The following CSTF3 variants were observed in gnomAD, a reference collection of about 807,000 sequenced individuals.
The protein encoded by CSTF3 is cleavage stimulation factor subunit 3.
Under a neutral mutation model 105.8 loss-of-function variants are expected in CSTF3, and 29 were observed. The observed-to-expected ratio is 0.27, with a 90% CI of 0.20 to 0.37. The LOEUF (loss-of-function observed/expected upper bound fraction) is 0.37, where lower values mean the gene tolerates loss of function less well. CSTF3 is among the 10% of genes least tolerant of loss of function. The probability of loss-of-function intolerance (pLI) is 1.00; values close to 1 mark genes in which losing one functional copy is unlikely to be tolerated. For missense variants in CSTF3, 357 were observed against 879.3 expected (o/e 0.41, Z 7.51); for synonymous variants, 252 against 281.9 (o/e 0.89, Z 1.06).
intron 1 of CSTF3, among the ~76,000 whole-genome samples, chr11:33,147,365 G>A (rs1223466625): frequency 6.6e-6 from 1 of 151,730 alleles, no homozygotes; most frequent in East Asian, 1.9e-4. Context: ...GGGAGCCCGA[G>A]GTGGGCAGAT....
chr11:33,158,549 T>C (rs999886813), intron 1 of CSTF3, among the ~76,000 whole-genome samples: 4 of 152,116 alleles, frequency 2.6e-5, no homozygotes, highest in African/African-American at 9.7e-5. Flanking sequence ...AGGTATAAGG[T>C]GATTTTAAAG....
intron 3 of CSTF3, among the ~76,000 whole-genome samples, chr11:33,128,178 C>A (rs1247487709): frequency 1.3e-5 from 2 of 152,088 alleles, no homozygotes; most frequent in South Asian, 4.1e-4. Context: ...GTTTTACCTA[C>A]TATGGAAAAT....
chr11:33,150,247 AAAG>A (rs1250243252), intron 1 of CSTF3, among the ~76,000 whole-genome samples: 6 of 88,438 alleles, frequency 6.8e-5, no homozygotes, highest in South Asian at 4.1e-4. Flanking sequence ...AAAGAAAAGA[AAAG>A]AAAAGAAAAC....
At chr11:33,137,173 G>A (rs568808555) in intron 3 of CSTF3, among the ~76,000 whole-genome samples, 22 of 151,946 alleles carry the variant, frequency 1.4e-4, no homozygotes, top group African/African-American at 5.1e-4. Flanking sequence ...AATGACTGCA[G>A]AGATTAGTTT....
intron 3 of CSTF3, among the ~76,000 whole-genome samples, chr11:33,109,882 T>C (rs1855362479): frequency 6.6e-6 from 1 of 152,158 alleles, no homozygotes; most frequent in South Asian, 2.1e-4. Context: ...TACCCTTCCT[T>C]TGAATTTTTG....
intron 8 of CSTF3, among the ~76,000 whole-genome samples, chr11:33,104,831 T>G (rs778020608): frequency 6.6e-6 from 1 of 152,182 alleles, no homozygotes; most frequent in Non-Finnish European, 1.5e-5. Context: ...ACCATAAAGT[T>G]TGAAAACCAC....
At position 33,102,196 on chromosome 11, in the gene CSTF3, C is replaced by G; in HGVS notation, c.807G>C (p.Gln269His). The G allele has an allele frequency of 6.2e-7, 1 of 1,613,866 alleles. No homozygotes were observed. Among genetic ancestry groups the G allele is most frequent in the Non-Finnish European group, 8.5e-7 (1 of 1,179,874 alleles). Reference sequence around the variant, plus strand: ...TGTTACCTCTTTTTGTTATAAGGGTCTGATCCTCTGTACGAAGAGGGTTGC... The same window carrying G: ...TGTTACCTCTTTTTGTTATAAGGGTGTGATCCTCTGTACGAAGAGGGTTGC... Reference protein sequence around the residue: ...EKSNPLRTEDQTLITKRVMFA... With the variant: ...EKSNPLRTEDHTLITKRVMFA... Residue 269 changes from glutamine (Q) to histidine (H), a missense_variant, in exon 10 of 21, where the codon CAG becomes CAC. By Grantham distance (24) the Gln-to-His change is conservative. Coordinates refer to ENST00000323959, the MANE Select transcript of CSTF3 (RefSeq NM_001326.3).
chr11:33,143,581 C>T (rs537906779), intron 1 of CSTF3, among the ~76,000 whole-genome samples: 1 of 152,122 alleles, frequency 6.6e-6, no homozygotes, highest in Non-Finnish European at 1.5e-5. Flanking sequence ...GAAACCCAGT[C>T]TCTACTAAAA....
chr11:33,119,777 C>T (rs945191739), intron 3 of CSTF3, among the ~76,000 whole-genome samples: 1 of 151,754 alleles, frequency 6.6e-6, no homozygotes, highest in Non-Finnish European at 1.5e-5. Flanking sequence ...ATACAATCAA[C>T]ATTTGTATTA....
intron 4 of CSTF3, 52 bp downstream of exon 4, chr11:33,108,334 C>A: frequency 7.3e-7 from 1 of 1,373,262 alleles, no homozygotes; most frequent in Non-Finnish European, 9.7e-7. Flanking sequence ...CTTATACATA[C>A]TAGGTTTTAA....
At chr11:33,140,256 C>A (rs907321551) in intron 3 of CSTF3, among the ~76,000 whole-genome samples, 1 of 151,940 alleles carries the variant, frequency 6.6e-6, no homozygotes, top group Non-Finnish European at 1.5e-5. Flanking sequence ...TTCAGACAGG[C>A]CTCACCTGTT....
intron 3 of CSTF3, among the ~76,000 whole-genome samples, chr11:33,111,698 C>A (rs1239796249): frequency 1.3e-5 from 2 of 152,138 alleles, no homozygotes; most frequent in Non-Finnish European, 2.9e-5. Context: ...CCGTCCCCAA[C>A]AAAGTGGTCC....
At chr11:33,114,687 C>T (rs1432379032) in intron 3 of CSTF3, among the ~76,000 whole-genome samples, 1 of 151,888 alleles carries the variant, frequency 6.6e-6, no homozygotes, top group African/African-American at 2.4e-5. Flanking sequence ...CCCATTTCTA[C>T]TAAAAATACA....
At chr11:33,129,753 T>C (rs1189997281) in intron 3 of CSTF3, among the ~76,000 whole-genome samples, 4 of 152,350 alleles carry the variant, frequency 2.6e-5, no homozygotes, top group Admixed American at 6.5e-5. Flanking sequence ...TAAACTTTTC[T>C]TCTTACCCAT....
chr11:33,155,322 C>T (rs1389450114), intron 1 of CSTF3, among the ~76,000 whole-genome samples: 2 of 151,484 alleles, frequency 1.3e-5, no homozygotes, highest in African/African-American at 2.4e-5. Flanking sequence ...CGTGATTGCG[C>T]CACTGTGCTC....
chr11:33,140,616 TG>T (rs1282471344), intron 3 of CSTF3, among the ~76,000 whole-genome samples: 1 of 152,086 alleles, frequency 6.6e-6, no homozygotes, highest in Non-Finnish European at 1.5e-5. Flanking sequence ...TGTGTTGTGC[TG>T]AAGTATATTC....
intron 1 of CSTF3, among the ~76,000 whole-genome samples, chr11:33,155,386 T>TA (rs35704730): frequency 0.68 from 98,126 of 144,406 alleles, 33,020 homozygotes; most frequent in Non-Finnish European, 0.72. Context: ...ATAAAAAAAT[T>TA]AAAAAAAAAA....
chr11:33,148,847 G>A (rs1303192400), intron 1 of CSTF3, among the ~76,000 whole-genome samples: 2 of 146,192 alleles, frequency 1.4e-5, no homozygotes, highest in Admixed American at 7.0e-5. Flanking sequence ...ATGTGTGTGT[G>A]TACTGTTGCT....
intron 3 of CSTF3, among the ~76,000 whole-genome samples, chr11:33,140,096 A>G (rs1254105556): frequency 6.6e-6 from 1 of 152,066 alleles, no homozygotes; most frequent in Non-Finnish European, 1.5e-5. Context: ...CTATACAAAA[A>G]CAATTATATA....
Sources: gnomAD v4.1 joint callset for allele counts (sites outside exome capture counted in the v4.1 genomes callset) on GRCh38, gnomAD v4.1.1 for gene constraint, MANE v1.5 for transcripts, NCBI Gene and HGNC (gene_info 2026-07-23, HGNC 2026-07-21) for gene names.